The following CUEDC1 variants were observed in gnomAD, a reference collection of about 807,000 sequenced individuals.
The protein encoded by CUEDC1 is CUE domain containing 1, also known as CUE domain-containing protein 1.
A neutral mutation model predicts 43.7 loss-of-function variants in CUEDC1; 30 were observed. That is an observed-to-expected ratio of 0.69 (90% CI 0.51 to 0.93). The LOEUF is 0.93. Among genes scored for constraint, CUEDC1 ranks in the 40% least tolerant of loss-of-function variants. The pLI, the probability that CUEDC1 is intolerant of heterozygous loss-of-function variation, is 0.00. For synonymous variants in CUEDC1, 223 were observed against 223.6 expected (o/e 1.00, Z 0.02); for missense variants, 486 against 549.0 (o/e 0.89, Z 1.15).
intron 1 of CUEDC1, among the ~76,000 whole-genome samples, chr17:57,889,226 A>AT (rs1480515547): frequency 3.9e-5 from 6 of 152,212 alleles, no homozygotes; most frequent in Non-Finnish European, 8.8e-5. Context: ...GAACGTGGCT[A>AT]TGCTGCATTT....
At chr17:57,871,594 T>C (rs1370721917) in intron 5 of CUEDC1, among the ~76,000 whole-genome samples, 1 of 152,126 alleles carries the variant, frequency 6.6e-6, no homozygotes, top group African/African-American at 2.4e-5. Flanking sequence ...TTAAAAGGAC[T>C]CAGAGAGACT....
chr17:57,872,298 T>C (rs1373140725), intron 5 of CUEDC1, among the ~76,000 whole-genome samples: 1 of 152,200 alleles, frequency 6.6e-6, no homozygotes, highest in East Asian at 1.9e-4. Flanking sequence ...TTTCCGGAGC[T>C]CCAGACACAT....
At chr17:57,917,913 C>CT (rs1242456017) in intron 1 of CUEDC1, among the ~76,000 whole-genome samples, 2 of 152,190 alleles carry the variant, frequency 1.3e-5, no homozygotes, top group Non-Finnish European at 2.9e-5. Flanking sequence ...TGCCAGCTGG[C>CT]TTTTTTGGTG....
At chr17:57,909,469 C>T (rs140711180) in intron 1 of CUEDC1, among the ~76,000 whole-genome samples, 1 of 152,186 alleles carries the variant, frequency 6.6e-6, no homozygotes, top group African/African-American at 2.4e-5. Flanking sequence ...AGACCAAGGA[C>T]TATGGATGGT....
chr17:57,929,854 T>G (rs911173399), intron 1 of CUEDC1, among the ~76,000 whole-genome samples: 4 of 152,120 alleles, frequency 2.6e-5, no homozygotes, highest in Admixed American at 6.6e-5. Flanking sequence ...CAGGCTGGAG[T>G]GCAGTGGCGC....
intron 1 of CUEDC1, among the ~76,000 whole-genome samples, chr17:57,913,501 A>G (rs1048416497): frequency 5.9e-5 from 9 of 152,100 alleles, no homozygotes; most frequent in Non-Finnish European, 1.2e-4. Flanking sequence ...TGTCTTTGTC[A>G]ATTCTACTGA....
chr17:57,886,678 G>T (rs931513939), intron 1 of CUEDC1, among the ~76,000 whole-genome samples: 5 of 152,178 alleles, frequency 3.3e-5, no homozygotes, highest in Non-Finnish European at 7.3e-5. Flanking sequence ...TTACCCCAAT[G>T]TCAGGCCGAC....
At chr17:57,936,419 T>C (rs2074862560) in intron 1 of CUEDC1, among the ~76,000 whole-genome samples, 1 of 152,192 alleles carries the variant, frequency 6.6e-6, no homozygotes, top group Non-Finnish European at 1.5e-5. Context: ...AGTTTCGCAA[T>C]GGAAGCACTC....
chr17:57,937,442 C>A (rs2074873018), intron 1 of CUEDC1, among the ~76,000 whole-genome samples: 1 of 151,852 alleles, frequency 6.6e-6, no homozygotes, highest in Admixed American at 6.6e-5. Context: ...GAAATCTCAT[C>A]TCTACAAAAA....
chr17:57,942,317 G>A (rs979454957), intron 1 of CUEDC1, among the ~76,000 whole-genome samples: 8 of 152,264 alleles, frequency 5.3e-5, no homozygotes, highest in African/African-American at 1.4e-4. Context: ...CATGGGGTGC[G>A]AATGGCCCAC....
chr17:57,950,208 T>G (rs936022469), intron 1 of CUEDC1, among the ~76,000 whole-genome samples: 3 of 151,660 alleles, frequency 2.0e-5, no homozygotes, highest in Non-Finnish European at 2.9e-5. Flanking sequence ...TGGAGTGTAG[T>G]GGCGCGATCT....
chr17:57,879,768 T>G (rs373965472), intron 2 of CUEDC1, 30 bp from the exon 3 acceptor site: 1 of 1,584,448 alleles, frequency 6.3e-7, no homozygotes, highest in Non-Finnish European at 8.6e-7. Flanking sequence ...GAAAGAAATA[T>G]TAATCATCCC....
chr17:57,864,343 G>A (rs1190094001), intron 10 of CUEDC1, among the ~76,000 whole-genome samples: 1 of 152,178 alleles, frequency 6.6e-6, no homozygotes, highest in Non-Finnish European at 1.5e-5. Context: ...TGTTGCTGGT[G>A]CTATAAAAGA....
intron 1 of CUEDC1, among the ~76,000 whole-genome samples, chr17:57,936,748 C>A (rs1030815291): frequency 1.3e-5 from 2 of 152,062 alleles, no homozygotes; most frequent in African/African-American, 2.4e-5. Flanking sequence ...CTCTAGCCTC[C>A]TATCTATCCT....
chr17:57,874,286 T>C (rs1366905945), intron 3 of CUEDC1, among the ~76,000 whole-genome samples: 1 of 152,208 alleles, frequency 6.6e-6, no homozygotes, highest in African/African-American at 2.4e-5. Context: ...GGGCCCCTGT[T>C]CCCTCTAGGG....
At chr17:57,868,415 G>A (rs2073990805) in intron 7 of CUEDC1, 172 bp from the exon 8 acceptor site, 6 of 629,668 alleles carry the variant, frequency 9.5e-6, no homozygotes, top group Admixed American at 2.5e-5. Context: ...AGACCCCTGA[G>A]GACGCCACCC....
intron 1 of CUEDC1, among the ~76,000 whole-genome samples, chr17:57,935,731 C>A (rs910639692): frequency 2.6e-5 from 4 of 152,066 alleles, no homozygotes; most frequent in Non-Finnish European, 5.9e-5. Flanking sequence ...TCCACCTTGG[C>A]GGGCCAGGCC....
chr17:57,939,574 C>G (rs887048485), intron 1 of CUEDC1, among the ~76,000 whole-genome samples: 7 of 152,310 alleles, frequency 4.6e-5, no homozygotes, highest in African/African-American at 1.7e-4. Context: ...ACCATTTCGC[C>G]TGACCTGAAC....
intron 1 of CUEDC1, among the ~76,000 whole-genome samples, chr17:57,910,591 G>T (rs889633805): frequency 6.6e-6 from 1 of 150,736 alleles, no homozygotes; most frequent in African/African-American, 2.4e-5. Flanking sequence ...GTGAGATCCT[G>T]TCTCTTAAAA....
Sources: gnomAD v4.1 joint callset for allele counts (sites outside exome capture counted in the v4.1 genomes callset) on GRCh38, gnomAD v4.1.1 for gene constraint, MANE v1.5 for transcripts, NCBI Gene and HGNC (gene_info 2026-07-23, HGNC 2026-07-21) for gene names.